Variants in PTPRA observed in about 807,000 individuals in gnomAD.
PTPRA encodes the protein receptor-type tyrosine-protein phosphatase alpha.
Under a neutral mutation model 104.8 loss-of-function variants are expected in PTPRA, and 25 were observed. The ratio of observed to expected loss-of-function variants is 0.24; its 90% confidence interval spans 0.17 to 0.33. PTPRA has a LOEUF of 0.33. Among genes scored for constraint, PTPRA ranks in the 10% least tolerant of loss-of-function variants. The pLI is 1.00. For synonymous variants in PTPRA, 323 were observed against 368.9 expected (o/e 0.88, Z 1.43); for missense variants, 765 against 1,015.3 (o/e 0.75, Z 3.35).
intron 11 of PTPRA, among the ~76,000 whole-genome samples, chr20:3,014,959 G>A (rs1475008010): frequency 6.6e-6 from 1 of 152,146 alleles, no homozygotes; most frequent in Non-Finnish European, 1.5e-5. Context: ...TAGTTTTTCC[G>A]AGGCTCCTTA....
At chr20:2,907,433 A>G (rs1021189249) in intron 1 of PTPRA, among the ~76,000 whole-genome samples, 12 of 152,226 alleles carry the variant, frequency 7.9e-5, no homozygotes, top group Admixed American at 2.6e-4. Flanking sequence ...CAGTGAATGA[A>G]ATTCACCATT....
At chr20:2,936,767 G>A (rs368548897) in intron 2 of PTPRA, among the ~76,000 whole-genome samples, 17 of 152,104 alleles carry the variant, frequency 1.1e-4, no homozygotes, top group African/African-American at 3.4e-4. Flanking sequence ...ACCATTACAC[G>A]TGGTCTAGTT....
At chr20:2,941,399 C>T (rs180932871) in intron 2 of PTPRA, among the ~76,000 whole-genome samples, 1 of 152,244 alleles carries the variant, frequency 6.6e-6, no homozygotes, top group East Asian at 1.9e-4. Flanking sequence ...AGAGGAGTAG[C>T]ATTCAGCACT....
At position 3,005,043 on chromosome 20, in the gene PTPRA, C is replaced by A. The variant is rs773213182; in HGVS notation, c.739-13C>A. ...CCTGCTAATAATTCCTCTAATTTCTCTTAACCTTTCAGGCTCTCCCTGCAT... is the reference window on the plus strand; with the variant it reads ...CCTGCTAATAATTCCTCTAATTTCTATTAACCTTTCAGGCTCTCCCTGCAT... On this transcript the variant is annotated splice_polypyrimidine_tract_variant and intron_variant, in intron 9 of 23. Coordinates refer to ENST00000399903, the MANE Select transcript of PTPRA (RefSeq NM_001385305.1). The A allele has an allele frequency of 1.9e-6, 3 of 1,580,724 alleles. No individual in the cohort carries two copies. Among genetic ancestry groups the A allele is most frequent in the South Asian group, 1.1e-5 (1 of 90,234 alleles).
At chr20:3,001,716 G>T (rs561948308) in intron 9 of PTPRA, among the ~76,000 whole-genome samples, 2 of 152,026 alleles carry the variant, frequency 1.3e-5, no homozygotes, top group African/African-American at 2.4e-5. Context: ...TCCTTTTGTG[G>T]TATTCACAGC....
At chr20:3,004,710 C>G (rs2063786722) in intron 9 of PTPRA, among the ~76,000 whole-genome samples, 1 of 152,232 alleles carries the variant, frequency 6.6e-6, no homozygotes, top group Non-Finnish European at 1.5e-5. Flanking sequence ...CCCATTCCTT[C>G]AGGTATGTCC....
Position 3,019,188 on chromosome 20 carries a change from C to T in PTPRA, c.1041+1275C>T, listed in dbSNP as rs1183225144. 3.3e-3 allele frequency among the ~76,000 whole-genome samples: 423 copies of T among 128,082 alleles called. 4 individuals are homozygous for T. Among genetic ancestry groups the T allele is most frequent in the African/African-American group, 0.013 (396 of 31,506 alleles). The allele number at this position is 128,082 out of a possible 152,430, so 84.0% of individuals were successfully genotyped here. On this transcript the variant is annotated intron_variant, in intron 13 of 23. Transcript: ENST00000399903. ...CAACCTCCCTCCCGGACGGGGCGGCCGGCCGGGCGTGGGGCTGACCCCCCC... is the reference window on the plus strand; with the variant it reads ...CAACCTCCCTCCCGGACGGGGCGGCTGGCCGGGCGTGGGGCTGACCCCCCC...
intron 1 of PTPRA, among the ~76,000 whole-genome samples, chr20:2,886,385 AT>A (rs1272123484): frequency 1.3e-5 from 2 of 152,200 alleles, no homozygotes; most frequent in African/African-American, 4.8e-5. Flanking sequence ...CGAGACAAGA[AT>A]TGCCATACGT....
At chr20:2,872,852 ATGTGT>A (rs1321740874), upstream of PTPRA, among the ~76,000 whole-genome samples, 1 of 152,096 alleles carries the variant, frequency 6.6e-6, no homozygotes, top group Non-Finnish European at 1.5e-5. This position sits in a 1 kb window ranked among gnomAD's most constrained non-coding sequence, Gnocchi z 7.9. Flanking sequence ...GCAGAGCACC[ATGTGT>A]TGTGCTTCTA....
chr20:2,876,180 A>T (rs1288275709), intron 1 of PTPRA, among the ~76,000 whole-genome samples: 3 of 152,256 alleles, frequency 2.0e-5, no homozygotes, highest in African/African-American at 7.2e-5. Flanking sequence ...GTAGAGTCAC[A>T]GCCTCTTAGA....
intron 1 of PTPRA, among the ~76,000 whole-genome samples, chr20:2,902,227 A>G (rs944061141): frequency 6.6e-6 from 1 of 152,170 alleles, no homozygotes; most frequent in Non-Finnish European, 1.5e-5. Flanking sequence ...TATTTTATAC[A>G]GATCATAAGA....
chr20:2,893,545 TATATC>T (rs879689942), intron 1 of PTPRA, among the ~76,000 whole-genome samples: 1 of 152,198 alleles, frequency 6.6e-6, no homozygotes, highest in African/African-American at 2.4e-5. Context: ...GTATATATGG[TATATC>T]ATATATATCA....
At position 2,909,988 on chromosome 20, in the gene PTPRA, CAT is replaced by C. The variant is rs3054530; in HGVS notation, c.-128-13211_-128-13210del. ...GATATATATATAATCTATCATATATCATATATATAATCTATCATATATCATAT... is the reference window on the plus strand; with the variant it reads ...GATATATATATAATCTATCATATATCATATATAATCTATCATATATCATAT... On this transcript the variant is annotated intron_variant, in intron 1 of 23. Transcript: ENST00000399903. Among the ~76,000 whole-genome samples the C allele has an allele frequency of 3.8e-3, 368 of 96,426 alleles. 2 individuals carry two copies. Among genetic ancestry groups the C allele is most frequent in the African/African-American group, 0.015 (308 of 20,060 alleles). The allele number at this position is 96,426 out of a possible 152,430, so 63.3% of individuals were successfully genotyped here.
At chr20:2,981,957 C>T (rs2062690679) in intron 6 of PTPRA, among the ~76,000 whole-genome samples, 2 of 152,212 alleles carry the variant, frequency 1.3e-5, no homozygotes, top group Non-Finnish European at 2.9e-5. Flanking sequence ...TGCTGCCTTT[C>T]AGATATGCTG....
Position 3,022,598 on chromosome 20 carries a change from G to A in PTPRA, c.1329-91G>A. ...CATTCAGAATTAGGATTTAGACCCT[G>A]AAGGAAGAGCCCCTGCCTGTGTTGC... On this transcript the variant is annotated intron_variant, in intron 15 of 23. Transcript: ENST00000399903. The surrounding 1 kb of genome is among the most constrained non-coding windows in gnomAD (Gnocchi z 4.6). 6.4e-7 allele frequency: 1 copy of A among 1,559,538 alleles called. No individual in the cohort carries two copies. Among genetic ancestry groups the A allele is most frequent in the Non-Finnish European group, 8.7e-7 (1 of 1,144,610 alleles).
chr20:3,000,191 G>A (rs1473296693), intron 9 of PTPRA, among the ~76,000 whole-genome samples: 2 of 152,148 alleles, frequency 1.3e-5, no homozygotes, highest in Admixed American at 6.5e-5. Flanking sequence ...GGGAGGCTGA[G>A]GAAGGAGAAT....
At chr20:3,018,873 C>T (rs2064634502) in intron 13 of PTPRA, among the ~76,000 whole-genome samples, 1 of 111,104 alleles carries the variant, frequency 9.0e-6, no homozygotes, top group African/African-American at 4.3e-5. Flanking sequence ...CCACCTCCCT[C>T]CCGGACGGGG....
chr20:2,988,896 G>A (rs552354792), intron 9 of PTPRA, among the ~76,000 whole-genome samples: 2 of 152,220 alleles, frequency 1.3e-5, no homozygotes, highest in Non-Finnish European at 2.9e-5. Flanking sequence ...GCACATGAAG[G>A]ACTGGTGCAT....
chr20:2,915,485 G>A (rs958383163), intron 1 of PTPRA, among the ~76,000 whole-genome samples: 2 of 19,396 alleles, frequency 1.0e-4, no homozygotes, highest in African/African-American at 3.9e-4. Context: ...TTACTGAATT[G>A]TAAGAGTTCT....
Sources: gnomAD v4.1 joint callset for allele counts (sites outside exome capture counted in the v4.1 genomes callset) on GRCh38, gnomAD v4.1.1 for gene constraint, Gnocchi (gnomAD v3.1) non-coding constraint, MANE v1.5 for transcripts, NCBI Gene and HGNC (gene_info 2026-07-23, HGNC 2026-07-21) for gene names.